Variants in SMPD3 observed in about 807,000 individuals in gnomAD.
SMPD3 encodes nSMase-2.
A neutral mutation model predicts 55.7 loss-of-function variants in SMPD3; 21 were observed. The ratio of observed to expected loss-of-function variants is 0.38; its 90% confidence interval spans 0.27 to 0.54. The LOEUF (loss-of-function observed/expected upper bound fraction) is 0.54, where lower values mean the gene tolerates loss of function less well. Ranked by LOEUF, SMPD3 falls within the 20% of genes least tolerant of loss-of-function variation. The pLI is 0.80. For synonymous variants in SMPD3, 457 were observed against 404.3 expected (o/e 1.13, Z -1.56); for missense variants, 842 against 899.6 (o/e 0.94, Z 0.82).
chr16:68,360,131 C>CG lies in SMPD3; in HGVS notation c.*1074dup, dbSNP rs1032936589. 1.4e-4 allele frequency: 22 copies of CG among 152,736 alleles called. No individual in the cohort carries two copies. The highest frequency in any genetic ancestry group is 3.8e-4 in the African/African-American group (16 of 41,594). The allele number at this position is 152,736 out of a possible 1,614,324, so 9.5% of individuals were successfully genotyped here. ...GGGAGGCCAGAGCCGCAGCCCCACC[C>CG]GGGGGGCAGGCAGGGGTTCCTGAGC... On this transcript the variant is annotated 3_prime_UTR_variant, in exon 9 of 9. Coordinates refer to ENST00000219334, the MANE Select transcript of SMPD3 (RefSeq NM_018667.4).
At position 68,372,329 on chromosome 16, in the gene SMPD3, A is replaced by C; in HGVS notation, c.-148T>G. The C allele has an allele frequency of 9.5e-7, 1 of 1,053,198 alleles. No individual in the cohort carries two copies. The highest frequency in any genetic ancestry group is 1.4e-6 in the Non-Finnish European group (1 of 723,772). The allele number at this position is 1,053,198 out of a possible 1,614,324, so 65.2% of individuals were successfully genotyped here. On this transcript the variant is annotated 5_prime_UTR_variant, in exon 3 of 9. Transcript: ENST00000219334. ...TGCAACTCCGGCTGGTCAATGGCGA[A>C]TGTTGGCCAGCCGGTCATGGTTCAC...
At chr16:68,402,329 C>T (rs2090216493) in intron 1 of SMPD3, among the ~76,000 whole-genome samples, 1 of 152,096 alleles carries the variant, frequency 6.6e-6, no homozygotes, top group Non-Finnish European at 1.5e-5. Flanking sequence ...GTGCTGAGGG[C>T]CAGGAGGCAG....
chr16:68,371,812 A>T lies in SMPD3; in HGVS notation c.370T>A (p.Phe124Ile). 6.2e-7 allele frequency: 1 copy of T among 1,607,090 alleles called. No homozygotes were observed. Among genetic ancestry groups the T allele is most frequent in the Non-Finnish European group, 8.5e-7 (1 of 1,177,306 alleles). Residue 124 changes from phenylalanine to isoleucine, a missense_variant, in exon 3 of 9, where the codon TTC becomes ATC. Transcript: ENST00000219334. ...EWKGTGPGKSFCFATANVCLL... is the reference protein window; with the variant it reads ...EWKGTGPGKSICFATANVCLL... Reference sequence around the variant, plus strand: ...CAGACGTTGGCAGTGGCAAAGCAGAAGCTTTTGCCAGGCCCCGTGCCCTTC... The same window carrying T: ...CAGACGTTGGCAGTGGCAAAGCAGATGCTTTTGCCAGGCCCCGTGCCCTTC...
At chr16:68,425,540 TG>T (rs1309426276) in intron 1 of SMPD3, among the ~76,000 whole-genome samples, 4 of 9,750 alleles carry the variant, frequency 4.1e-4, no homozygotes, top group African/African-American at 1.2e-3. Context: ...GGACAATGGG[TG>T]GGGGGGCGGG....
At chr16:68,415,004 G>A (rs1199883894) in intron 1 of SMPD3, among the ~76,000 whole-genome samples, 2 of 152,144 alleles carry the variant, frequency 1.3e-5, no homozygotes, top group East Asian at 3.9e-4. Context: ...GACGGAATGG[G>A]TGCTGTGGGT....
chr16:68,370,921 G>T lies in SMPD3; in HGVS notation c.1261C>A (p.His421Asn), dbSNP rs1567782969. 4 of 1,614,202 alleles carry T rather than the reference G, an allele frequency of 2.5e-6. No individual in the cohort carries two copies. The highest frequency in any genetic ancestry group is 3.4e-6 in the Non-Finnish European group (4 of 1,180,024). Residue 421 changes from histidine to asparagine, a missense_variant, in exon 3 of 9, where the codon CAC (histidine) becomes AAC (asparagine). By Grantham distance (68) the His-to-Asn change is moderately conservative. This residue lies in a region of SMPD3 where 649 missense variants were observed against 643.6 expected (regional missense o/e 1.01). Transcript: ENST00000219334. ...SRYPIMDVAY[H>N]CYPNKCNDDA... ...TCGTTACACTTGTTGGGGTAACAGT[G>T]ATAGGCCACGTCCATGATGGGGTAG...
chr16:68,379,895 C>A (rs1243420608), intron 2 of SMPD3, among the ~76,000 whole-genome samples: 1 of 152,218 alleles, frequency 6.6e-6, no homozygotes. Context: ...GACTGGAAAG[C>A]AAATCTCAAG....
intron 5 of SMPD3, among the ~76,000 whole-genome samples, chr16:68,364,096 T>C (rs2089402540): frequency 6.6e-6 from 1 of 152,164 alleles, no homozygotes; most frequent in Non-Finnish European, 1.5e-5. Context: ...ATCTTCAGCA[T>C]TCCCTCTGAG....
chr16:68,429,850 A>C (rs1418048449), intron 1 of SMPD3, among the ~76,000 whole-genome samples: 1 of 152,150 alleles, frequency 6.6e-6, no homozygotes, highest in East Asian at 1.9e-4. Flanking sequence ...TAGATGTTAC[A>C]ATTCCCAGGA....
At position 68,361,771 on chromosome 16, in the gene SMPD3, T is replaced by TGCAGGAG; in HGVS notation, c.1710-19_1710-13dup. On this transcript the variant is annotated splice_polypyrimidine_tract_variant and intron_variant, in intron 7 of 8. Coordinates refer to ENST00000219334, the MANE Select transcript of SMPD3 (RefSeq NM_018667.4). ...CACTCTCCAGGACCCTGTCCACACA[T>TGCAGGAG]GCAGGAGGCAGGTGGGCCCCCATGC... 8 of 1,583,650 alleles carry TGCAGGAG rather than the reference T, an allele frequency of 5.1e-6. No homozygotes were observed. Among genetic ancestry groups the TGCAGGAG allele is most frequent in the Non-Finnish European group, 6.9e-6 (8 of 1,162,946 alleles).
At chr16:68,363,995 G>T in intron 5 of SMPD3, 129 bp from the exon 6 acceptor site, 1 of 835,188 alleles carries the variant, frequency 1.2e-6, no homozygotes, top group Non-Finnish European at 1.8e-6. Flanking sequence ...ACTGCCCCTG[G>T]GTGGGATCTC....
intron 1 of SMPD3, among the ~76,000 whole-genome samples, chr16:68,392,649 G>C (rs1241081493): frequency 6.6e-6 from 1 of 151,960 alleles, no homozygotes. Context: ...ATCACCTGAG[G>C]CCAAGAGTTA....
At chr16:68,364,360 C>T (rs1446616354) in intron 5 of SMPD3, 2 of 234,288 alleles carry the variant, frequency 8.5e-6, no homozygotes, top group East Asian at 2.3e-4. Flanking sequence ...CACCACACCA[C>T]GTGGAGACAT....
intron 5 of SMPD3, 50 bp from the exon 6 acceptor site, chr16:68,363,916 C>T: frequency 6.7e-7 from 1 of 1,490,162 alleles, no homozygotes; most frequent in South Asian, 1.2e-5. Flanking sequence ...TTTGCTGTCC[C>T]ACACGGCCTG....
intron 1 of SMPD3, among the ~76,000 whole-genome samples, chr16:68,439,841 C>T (rs1281220279): frequency 6.6e-6 from 1 of 152,212 alleles, no homozygotes; most frequent in Admixed American, 6.5e-5. Context: ...GGAGAAATGG[C>T]TCTGGGCTCT....
intron 1 of SMPD3, among the ~76,000 whole-genome samples, chr16:68,395,978 G>C (rs2090153267): frequency 6.6e-6 from 1 of 152,212 alleles, no homozygotes; most frequent in Non-Finnish European, 1.5e-5. Context: ...AACTCAGTGT[G>C]CCTGGCCTGG....
At chr16:68,422,856 G>A (rs1597660972) in intron 1 of SMPD3, among the ~76,000 whole-genome samples, 2 of 152,310 alleles carry the variant, frequency 1.3e-5, no homozygotes, top group African/African-American at 2.4e-5. Flanking sequence ...AGGTTAATGT[G>A]AGGATCTCTG....
chr16:68,370,117 C>T (rs962115963), intron 3 of SMPD3: 1 of 152,240 alleles, frequency 6.6e-6, no homozygotes, highest in African/African-American at 2.4e-5. Context: ...GAACAAAAGT[C>T]GACACTCTGA....
chr16:68,375,455 G>A (rs907132202), intron 2 of SMPD3, among the ~76,000 whole-genome samples: 4 of 152,226 alleles, frequency 2.6e-5, no homozygotes, highest in Non-Finnish European at 5.9e-5. Context: ...ATTCCACAGT[G>A]TGGCCACAGC....
Sources: allele counts gnomAD v4.1 joint callset (sites outside exome capture counted in the v4.1 genomes callset), GRCh38; gene constraint gnomAD v4.1.1; regional missense constraint gnomAD v4.1.1; transcripts MANE v1.5; gene names NCBI Gene and HGNC (gene_info 2026-07-23, HGNC 2026-07-21).